Variants in FRMD4A observed in about 807,000 individuals in gnomAD.
FRMD4A encodes the protein FERM domain-containing protein 4A.
A neutral mutation model predicts 129.1 loss-of-function variants in FRMD4A; 29 were observed. That is an observed-to-expected ratio of 0.22 (90% CI 0.17 to 0.31). FRMD4A has a LOEUF of 0.31. Ranked by LOEUF, FRMD4A falls within the 10% of genes least tolerant of loss-of-function variation. FRMD4A has a pLI of 1.00. For synonymous variants in FRMD4A, 634 were observed against 571.6 expected (o/e 1.11, Z -1.56); for missense variants, 1,272 against 1,375.8 (o/e 0.92, Z 1.19).
chr10:13,683,591 T>C (rs2084809653), intron 15 of FRMD4A, among the ~76,000 whole-genome samples: 1 of 151,988 alleles, frequency 6.6e-6, no homozygotes, highest in Non-Finnish European at 1.5e-5. Context: ...AGTGAGACCC[T>C]GTCTCTAAAC....
intron 2 of FRMD4A, among the ~76,000 whole-genome samples, chr10:14,296,723 C>T (rs1846021063): frequency 6.6e-6 from 1 of 152,218 alleles, no homozygotes; most frequent in Non-Finnish European, 1.5e-5. Context: ...TACAACCACT[C>T]TCTGCCCCAA....
At chr10:13,896,404 C>A (rs1369027361) in intron 2 of FRMD4A, among the ~76,000 whole-genome samples, 4 of 152,112 alleles carry the variant, frequency 2.6e-5, no homozygotes, top group African/African-American at 4.8e-5. Flanking sequence ...TCATTCTCAG[C>A]AAACTAACAC....
intron 2 of FRMD4A, among the ~76,000 whole-genome samples, chr10:14,112,176 G>C (rs1589000048): frequency 6.6e-6 from 1 of 152,172 alleles, no homozygotes; most frequent in Non-Finnish European, 1.5e-5. Flanking sequence ...GAAAGATGTT[G>C]GTAAGGGGGC....
intron 2 of FRMD4A, among the ~76,000 whole-genome samples, chr10:13,994,657 G>A (rs919476500): frequency 2.0e-5 from 3 of 152,184 alleles, no homozygotes; most frequent in Non-Finnish European, 4.4e-5. Context: ...TAAAAATAGA[G>A]ATATTTCATA....
chr10:13,689,400 C>A (rs992002236), intron 15 of FRMD4A, among the ~76,000 whole-genome samples: 2 of 151,932 alleles, frequency 1.3e-5, no homozygotes, highest in South Asian at 2.1e-4. Flanking sequence ...CTGCAGGACA[C>A]TGACGTGACA....
intron 2 of FRMD4A, among the ~76,000 whole-genome samples, chr10:13,859,847 ATC>A (rs1404053481): frequency 6.6e-6 from 1 of 152,126 alleles, no homozygotes; most frequent in African/African-American, 2.4e-5. Flanking sequence ...CAGGACTGAA[ATC>A]TCTGAGTGGT....
chr10:14,008,076 C>G, intron 2 of FRMD4A: 5 of 1,303,454 alleles, frequency 3.8e-6, no homozygotes, highest in Non-Finnish European at 5.1e-6. Flanking sequence ...AACGCTGCGC[C>G]TTCTCAGAGA....
At chr10:13,692,161 T>TTTTTTTTTTA (rs2085766036) in intron 15 of FRMD4A, 1 of 123,184 alleles carries the variant, frequency 8.1e-6, no homozygotes, top group African/African-American at 2.8e-5. Flanking sequence ...TTTTTTTTTT[T>TTTTTTTTTTA]TTTTTGAGAC....
chr10:14,022,365 G>A (rs1832796891), intron 2 of FRMD4A, among the ~76,000 whole-genome samples: 1 of 152,170 alleles, frequency 6.6e-6, no homozygotes, highest in African/African-American at 2.4e-5. Flanking sequence ...GACTAATGTT[G>A]ACCAGTTTGG....
intron 2 of FRMD4A, among the ~76,000 whole-genome samples, chr10:13,905,670 G>T (rs1226764693): frequency 6.6e-6 from 1 of 152,138 alleles, no homozygotes; most frequent in African/African-American, 2.4e-5. Flanking sequence ...AACACTGTAG[G>T]TCTTGTTAAT....
At chr10:14,208,032 A>G (rs1842835273) in intron 2 of FRMD4A, among the ~76,000 whole-genome samples, 1 of 151,988 alleles carries the variant, frequency 6.6e-6, no homozygotes, top group South Asian at 2.1e-4. Flanking sequence ...CTTCATCTCT[A>G]CAGAAAATGC....
At chr10:13,846,062 C>A (rs1037360943) in intron 3 of FRMD4A, among the ~76,000 whole-genome samples, 1 of 152,184 alleles carries the variant, frequency 6.6e-6, no homozygotes, top group Non-Finnish European at 1.5e-5. Flanking sequence ...CAGTTACCTA[C>A]CTCATAGAGT....
intron 16 of FRMD4A, among the ~76,000 whole-genome samples, chr10:13,673,662 C>T (rs1408350333): frequency 6.6e-6 from 1 of 151,134 alleles, no homozygotes; most frequent in South Asian, 2.1e-4. Context: ...AACAAATAGT[C>T]ATGAAATAAA....
chr10:14,023,674 G>C (rs1443619808), intron 2 of FRMD4A, among the ~76,000 whole-genome samples: 1 of 152,140 alleles, frequency 6.6e-6, no homozygotes, highest in African/African-American at 2.4e-5. Context: ...GAAAGAGTGT[G>C]GTTGGTTTAA....
At chr10:14,258,962 T>C (rs999075411) in intron 2 of FRMD4A, among the ~76,000 whole-genome samples, 3 of 152,174 alleles carry the variant, frequency 2.0e-5, no homozygotes, top group African/African-American at 2.4e-5. Context: ...AACTACTGTA[T>C]AAAATCAGAA....
At chr10:13,851,555 G>C (rs922882397) in intron 3 of FRMD4A, among the ~76,000 whole-genome samples, 2 of 152,014 alleles carry the variant, frequency 1.3e-5, no homozygotes, top group Admixed American at 1.3e-4. Context: ...TCTCGCAGGA[G>C]TCCAAACCCT....
intron 2 of FRMD4A, among the ~76,000 whole-genome samples, chr10:14,115,009 A>T (rs1336345492): frequency 6.6e-6 from 1 of 152,024 alleles, no homozygotes; most frequent in African/African-American, 2.4e-5. Flanking sequence ...GTGACATAAG[A>T]CATGACTGCC....
intron 2 of FRMD4A, among the ~76,000 whole-genome samples, chr10:14,123,983 T>C (rs1838684305): frequency 6.6e-6 from 1 of 152,124 alleles, no homozygotes; most frequent in African/African-American, 2.4e-5. Context: ...ATGCAGAGGA[T>C]TCCGTAAAAT....
intron 2 of FRMD4A, among the ~76,000 whole-genome samples, chr10:13,913,357 T>G (rs2698109): frequency 0.96 from 146,289 of 152,316 alleles, 70,516 homozygotes; most frequent in East Asian, 1. Context: ...TGTTGTAAAA[T>G]TGGGGCAATG....
Sources: allele counts gnomAD v4.1 joint callset (sites outside exome capture counted in the v4.1 genomes callset), GRCh38; gene constraint gnomAD v4.1.1; transcripts MANE v1.5; gene names NCBI Gene and HGNC (gene_info 2026-07-23, HGNC 2026-07-21).